Variants in LDHA observed in about 807,000 individuals in gnomAD.
LDHA encodes the protein lactate dehydrogenase A.
Under a neutral mutation model 36.3 loss-of-function variants are expected in LDHA, and 10 were observed. The observed-to-expected ratio is 0.28, with a 90% CI of 0.17 to 0.47. LDHA has a LOEUF of 0.47. Ranked by LOEUF, LDHA falls within the 20% of genes least tolerant of loss-of-function variation. LDHA has a pLI of 0.99. For synonymous variants in LDHA, 110 were observed against 136.7 expected, an observed-to-expected ratio of 0.80 and a Z score of 1.36; for missense variants, 267 against 405.8, an observed-to-expected ratio of 0.66 and a Z score of 2.94.
chr11:18,402,812 G>A, intron 4 of LDHA, 28 bp from the exon 5 acceptor site: 1 of 1,574,982 alleles, frequency 6.3e-7, no homozygotes, highest in Non-Finnish European at 8.7e-7. Context: ...AGGATAATGG[G>A]TGATTTTTAT....
In LDHA at chr11:18,399,503, C is replaced by T. The variant is rs1866408470; in HGVS notation, c.199C>T (p.His67Tyr). 6.2e-7 allele frequency: 1 copy of T among 1,613,274 alleles called. No homozygotes were observed. The highest frequency in any genetic ancestry group is 8.5e-7 in the Non-Finnish European group (1 of 1,179,246). ...KLKGEMMDLQ[H>Y]GSLFLRTPKI... ...GAAGGGAGAGATGATGGATCTCCAA[C>T]ATGGCAGCCTTTTCCTTAGAACACC... Residue 67 changes from histidine (H) to tyrosine (Y), a missense_variant, in exon 3 of 8, where the codon CAT (histidine) becomes TAT (tyrosine). Transcript: ENST00000422447.
chr11:18,405,066 A>T (rs905343342), intron 6 of LDHA, among the ~76,000 whole-genome samples: 5 of 152,076 alleles, frequency 3.3e-5, no homozygotes, highest in African/African-American at 1.2e-4. Context: ...GATAATCCTG[A>T]GTTAAGGATG....
At chr11:18,396,359 C>A (rs1470749107) in intron 1 of LDHA, 1 of 397,582 alleles carries the variant, frequency 2.5e-6, no homozygotes, top group African/African-American at 2.1e-5. Context: ...CCACAAAGCG[C>A]GCATGCGCGC....
At chr11:18,401,631 C>T (rs965722744) in intron 4 of LDHA, among the ~76,000 whole-genome samples, 5 of 151,162 alleles carry the variant, frequency 3.3e-5, no homozygotes, top group Non-Finnish European at 5.9e-5. Flanking sequence ...GTGCCCACCA[C>T]GACGCCTGGC....
chr11:18,401,107 T>TA, intron 4 of LDHA, 97 bp downstream of exon 4: 1 of 478,028 alleles, frequency 2.1e-6, no homozygotes, highest in Non-Finnish European at 3.1e-6. Context: ...TGAAATATTT[T>TA]AAAAAATACA....
rs757736035 is a variant in LDHA, at chr11:18,402,956, G to A, written c.535G>A (p.Gly179Arg). 6.2e-7 allele frequency: 1 copy of A among 1,612,996 alleles called. No individual in the cohort carries two copies. Among genetic ancestry groups the A allele is most frequent in the Non-Finnish European group, 8.5e-7 (1 of 1,178,966 alleles). The change falls in exon 5 of 8, where the codon GGA becomes AGA. Residue 179 changes from glycine (G) to arginine (R), a missense_variant. Transcript: ENST00000422447. ...CCGTTACCTAATGGGGGAAAGGCTG[G>A]GAGTTCACCCATTAAGCTGTCATGG... ...RFRYLMGERL[G>R]VHPLSCHGWV... is the part of the protein sequence containing the mutation.
intron 5 of LDHA, 128 bp from the exon 6 acceptor site, chr11:18,403,566 T>G: frequency 1.3e-6 from 1 of 746,226 alleles, no homozygotes; most frequent in Non-Finnish European, 2.5e-6. Context: ...AATGACTACA[T>G]TAGTAGTCTT....
At chr11:18,399,750 A>G in intron 3 of LDHA, 1 of 547,114 alleles carries the variant, frequency 1.8e-6, no homozygotes. Context: ...GTATGCTACC[A>G]TGCCCGGCTA....
intron 1 of LDHA, chr11:18,395,043 C>T (rs1866245161): frequency 5.0e-6 from 1 of 200,236 alleles, no homozygotes; most frequent in South Asian, 6.8e-5. Context: ...AAAGCCTCAG[C>T]TTGTCCGGGG....
intron 4 of LDHA, 73 bp from the exon 5 acceptor site, chr11:18,402,767 T>C (rs1866550710): frequency 8.6e-7 from 1 of 1,166,994 alleles, no homozygotes; most frequent in Non-Finnish European, 1.3e-6. Flanking sequence ...AAGTGTTTTC[T>C]TCATAGTAGG....
chr11:18,402,069 G>A (rs1003470222), intron 4 of LDHA, among the ~76,000 whole-genome samples: 6 of 145,222 alleles, frequency 4.1e-5, no homozygotes, highest in African/African-American at 1.6e-4. Context: ...CAATTCTCCT[G>A]CCTCAGCCTC....
At chr11:18,401,077 T>C in intron 4 of LDHA, 67 bp downstream of exon 4, 5 of 553,792 alleles carry the variant, frequency 9.0e-6, no homozygotes, top group Non-Finnish European at 1.1e-5. Flanking sequence ...ATATATATAT[T>C]ATATATATTT....
intron 4 of LDHA, among the ~76,000 whole-genome samples, chr11:18,402,374 G>C (rs1391749925): frequency 1.3e-5 from 2 of 152,106 alleles, no homozygotes; most frequent in Non-Finnish European, 2.9e-5. Flanking sequence ...GATCATGGCA[G>C]CTTTGACCTA....
chr11:18,398,155 A>T (rs1866360916), intron 2 of LDHA, among the ~76,000 whole-genome samples: 1 of 152,192 alleles, frequency 6.6e-6, no homozygotes, highest in African/African-American at 2.4e-5. Context: ...CTGCAGCTTG[A>T]ATAACTTTTG....
intron 2 of LDHA, among the ~76,000 whole-genome samples, chr11:18,397,951 G>A (rs1474718442): frequency 1.3e-5 from 2 of 152,194 alleles, no homozygotes; most frequent in African/African-American, 4.8e-5. Flanking sequence ...CAACACAGGT[G>A]ACTCTACATA....
Position 18,408,258 on chromosome 11 carries a change from C to A in LDHA, c.*977C>A, listed in dbSNP as rs1331611306. On this transcript the variant is annotated 3_prime_UTR_variant, in exon 8 of 8. Transcript: ENST00000422447. ...CCTATAATCCCAGCACTTTGGGAAG[C>A]CCAGGTGGGCTGATCACTGGAGGCC... 2.2e-6 allele frequency: 1 copy of A among 452,646 alleles called. No homozygotes were observed. The highest frequency in any genetic ancestry group is 4.4e-6 in the Non-Finnish European group (1 of 226,194). 28.0% of individuals were successfully genotyped at this position (452,646 alleles called of 1,614,324 possible).
Position 18,402,922 on chromosome 11 carries a change from A to G in LDHA, c.501A>G (p.Ser167=), listed in dbSNP as rs540088276. ...TTGGAAGCGGTTGCAATCTGGATTC[A>G]GCCCGATTCCGTTACCTAATGGGGG... is the stretch of plus-strand genomic sequence containing the variant. The part of the protein sequence containing the change: ...RVIGSGCNLD[S]ARFRYLMGER... Residue 167 remains serine (S), a synonymous_variant, in exon 5 of 8, where the codon TCA becomes TCG. Coordinates refer to ENST00000422447, the MANE Select transcript of LDHA (RefSeq NM_005566.4). 1 of 1,612,810 alleles carries G rather than the reference A, an allele frequency of 6.2e-7. No homozygotes were observed. Among genetic ancestry groups the G allele is most frequent in the Non-Finnish European group, 8.5e-7 (1 of 1,178,790 alleles).
At chr11:18,401,457 TG>T (rs61682100) in intron 4 of LDHA, among the ~76,000 whole-genome samples, 44 of 129,900 alleles carry the variant, frequency 3.4e-4, no homozygotes, top group South Asian at 4.8e-4. Context: ...GCATATTTAT[TG>T]ATTCATTTAT....
At chr11:18,405,759 A>C in intron 7 of LDHA, 187 bp downstream of exon 7, 2 of 605,352 alleles carry the variant, frequency 3.3e-6, no homozygotes, top group Non-Finnish European at 5.8e-6. Flanking sequence ...AGGCCTGTTC[A>C]ACACATAGAT....
Sources: gnomAD v4.1 joint callset for allele counts (sites outside exome capture counted in the v4.1 genomes callset) on GRCh38, gnomAD v4.1.1 for gene constraint, MANE v1.5 for transcripts, NCBI Gene and HGNC (gene_info 2026-07-23, HGNC 2026-07-21) for gene names.